Variants in COLQ observed in about 807,000 individuals in gnomAD.
COLQ encodes the protein collagen like tail subunit of asymmetric acetylcholinesterase.
A neutral mutation model predicts 69.0 loss-of-function variants in COLQ; 48 were observed. That is an observed-to-expected ratio of 0.70 (90% CI 0.55 to 0.88). The LOEUF is 0.88. Ranked by LOEUF, COLQ falls within the 40% of genes least tolerant of loss-of-function variation. The pLI is 0.00. For missense variants in COLQ, 618 were observed against 594.6 expected, an observed-to-expected ratio of 1.04 and a Z score of -0.41; for synonymous variants, 217 against 211.2, an observed-to-expected ratio of 1.03 and a Z score of -0.24.
chr3:15,492,664 CT>C (rs2062688612), intron 1 of COLQ, among the ~76,000 whole-genome samples: 1 of 123,658 alleles, frequency 8.1e-6, no homozygotes, highest in Non-Finnish European at 1.6e-5. Flanking sequence ...GAGACTCCGT[CT>C]CAAAAAAAAA....
chr3:15,487,462 G>T (rs988574131), intron 3 of COLQ, among the ~76,000 whole-genome samples: 1 of 152,190 alleles, frequency 6.6e-6, no homozygotes, highest in East Asian at 1.9e-4. Flanking sequence ...ATCCAGGTGA[G>T]CCTTCAAGTG....
rs1315313150 is a variant in COLQ at position 15,479,297 on chromosome 3, T to A, written c.366+41A>T. 3 of 1,602,426 alleles carry A rather than the reference T, an allele frequency of 1.9e-6. No individual in the cohort carries two copies. The Admixed American group carries it at 5.0e-5, about 27-fold the overall frequency. ...GGGATGCCCAGAAAACAGGCTGGAA[T>A]TGCCAAGGAAAGAAGGGTTGAAGAA... On this transcript the variant is annotated intron_variant, in intron 4 of 16. Transcript: ENST00000383788.
In COLQ at chr3:15,451,307, T is replaced by C; in HGVS notation, c.*337A>G. On this transcript the variant is annotated 3_prime_UTR_variant, in exon 17 of 17. Coordinates refer to ENST00000383788, the MANE Select transcript of COLQ (RefSeq NM_005677.4). ...AAAACAGCCTGCAGGTCTGTGTGTG[T>C]CTAACAGTGCTCAGCCAAGTCCACG... The C allele has an allele frequency of 2.2e-6, 1 of 449,366 alleles. No homozygotes were observed. Among genetic ancestry groups the C allele is most frequent in the Non-Finnish European group, 4.2e-6 (1 of 239,292 alleles). The allele number at this position is 449,366 out of a possible 1,614,324, so 27.8% of individuals were successfully genotyped here.
chr3:15,515,094 C>T (rs2063042149), intron 1 of COLQ, among the ~76,000 whole-genome samples: 1 of 152,142 alleles, frequency 6.6e-6, no homozygotes, highest in African/African-American at 2.4e-5. Context: ...CTCTGTCCCA[C>T]GTGTCTTTCA....
At chr3:15,468,999 A>G (rs968472439) in intron 11 of COLQ, among the ~76,000 whole-genome samples, 1 of 152,226 alleles carries the variant, frequency 6.6e-6, no homozygotes, top group Non-Finnish European at 1.5e-5. Flanking sequence ...AACAAAGAGT[A>G]TGTAAGACTA....
chr3:15,474,854 C>T (rs2125116008), intron 8 of COLQ, 71 bp downstream of exon 8: 1 of 1,558,568 alleles, frequency 6.4e-7, no homozygotes, highest in Admixed American at 1.7e-5. Context: ...GACCCATTCT[C>T]TGCATGTCTC....
chr3:15,507,326 T>G (rs2062925283), intron 1 of COLQ, among the ~76,000 whole-genome samples: 1 of 152,202 alleles, frequency 6.6e-6, no homozygotes, highest in African/African-American at 2.4e-5. Flanking sequence ...CACTTGTAAT[T>G]TTTACACATA....
At chr3:15,467,141 A>G (rs1275716295) in intron 11 of COLQ, among the ~76,000 whole-genome samples, 2 of 152,146 alleles carry the variant, frequency 1.3e-5, no homozygotes, top group Non-Finnish European at 2.9e-5. Context: ...TGAGACATAC[A>G]CTCCCTATGG....
chr3:15,475,217 G>A, intron 7 of COLQ: 1 of 657,692 alleles, frequency 1.5e-6, no homozygotes, highest in Non-Finnish European at 2.6e-6. Context: ...GGTTCTTCCT[G>A]CCCAAGAGAA....
At position 15,521,535 on chromosome 3, in the gene COLQ, G is replaced by GA; in HGVS notation, c.90dup (p.Leu31SerfsTer103). 6.2e-7 allele frequency: 1 copy of GA among 1,614,200 alleles called. No homozygotes were observed. Among genetic ancestry groups the GA allele is most frequent in the South Asian group, 1.1e-5 (1 of 91,084 alleles). On this transcript the variant is annotated frameshift_variant, in exon 1 of 17. Transcript: ENST00000383788. LOFTEE classifies it high-confidence loss of function. ...CATCATTTACCTGCTGAGATTGGAA[G>GA]AACGCTGTTGATGAAAGTCGGCTGA...
In COLQ at chr3:15,473,620, G is replaced by A. The variant is rs1405573190; in HGVS notation, c.636+380C>T. Among the ~76,000 whole-genome samples, 2 of 152,184 alleles carry A rather than the reference G, an allele frequency of 1.3e-5. No homozygotes were observed. Among genetic ancestry groups the A allele is most frequent in the Non-Finnish European group, 2.9e-5 (2 of 68,038 alleles). On this transcript the variant is annotated intron_variant, in intron 10 of 16. Coordinates refer to ENST00000383788, the MANE Select transcript of COLQ (RefSeq NM_005677.4). The surrounding 1 kb of genome is among the most constrained non-coding windows in gnomAD (Gnocchi z 4.0). ...TAAAGACACCTGTGCCTTACACTGAGGCCTGTGTGCTGACAGGGGCTTTGA... is the reference window on the plus strand; with the variant it reads ...TAAAGACACCTGTGCCTTACACTGAAGCCTGTGTGCTGACAGGGGCTTTGA...
chr3:15,506,300 A>C (rs2062910045), intron 1 of COLQ, among the ~76,000 whole-genome samples: 1 of 152,222 alleles, frequency 6.6e-6, no homozygotes, highest in Admixed American at 6.5e-5. Flanking sequence ...CTTGTGCTCC[A>C]GATGAAAGGT....
intron 1 of COLQ, among the ~76,000 whole-genome samples, chr3:15,504,116 T>G (rs1439613991): frequency 3.3e-5 from 5 of 152,050 alleles, no homozygotes; most frequent in Admixed American, 2.0e-4. Context: ...TATTCTATTC[T>G]TCAAAGAGGG....
At chr3:15,490,059 T>TGGTA (rs1047313671) in intron 1 of COLQ, among the ~76,000 whole-genome samples, 1 of 152,188 alleles carries the variant, frequency 6.6e-6, no homozygotes, top group African/African-American at 2.4e-5. Flanking sequence ...CCAGGGCCAG[T>TGGTA]GGTAGCATTA....
intron 1 of COLQ, among the ~76,000 whole-genome samples, chr3:15,514,850 C>T (rs541347099): frequency 2.0e-5 from 3 of 152,346 alleles, no homozygotes; most frequent in South Asian, 2.1e-4. Flanking sequence ...ATGGCCAGAA[C>T]GTGCGTCCAG....
chr3:15,509,522 C>T (rs1484575825), intron 1 of COLQ, among the ~76,000 whole-genome samples: 2 of 152,198 alleles, frequency 1.3e-5, no homozygotes, highest in Non-Finnish European at 2.9e-5. Context: ...GCAGACCTTT[C>T]TACTGAGAAC....
At chr3:15,452,091 G>A (rs1176186440) in intron 16 of COLQ, among the ~76,000 whole-genome samples, 1 of 148,166 alleles carries the variant, frequency 6.7e-6, no homozygotes. Context: ...TTTTGAGACA[G>A]AGTTTCGCTC....
chr3:15,451,469 G>C lies in COLQ; in HGVS notation c.*175C>G. 1.3e-6 allele frequency: 1 copy of C among 741,102 alleles called. No homozygotes were observed. The highest frequency in any genetic ancestry group is 2.4e-4 in the Middle Eastern group (1 of 4,210). 45.9% of individuals were successfully genotyped at this position (741,102 alleles called of 1,614,324 possible). A position where few individuals can be genotyped will look rare whatever the true frequency, so the allele number is the denominator to read the frequency against. ...CCTTGGATTAAGACAGGATGCAGTGGTCCTAAATTCTTCCAGTCAGACTGA... is the reference window on the plus strand; with the variant it reads ...CCTTGGATTAAGACAGGATGCAGTGCTCCTAAATTCTTCCAGTCAGACTGA... On this transcript the variant is annotated 3_prime_UTR_variant, in exon 17 of 17. Transcript: ENST00000383788.
intron 8 of COLQ, 130 bp downstream of exon 8, chr3:15,474,795 G>T: frequency 9.1e-7 from 1 of 1,094,156 alleles, no homozygotes; most frequent in Non-Finnish European, 1.4e-6. Context: ...ACAAAGGGTG[G>T]GGAATAGCTA....
Sources: gnomAD v4.1 joint callset for allele counts (sites outside exome capture counted in the v4.1 genomes callset) on GRCh38, gnomAD v4.1.1 for gene constraint, Gnocchi (gnomAD v3.1) non-coding constraint, MANE v1.5 for transcripts, NCBI Gene and HGNC (gene_info 2026-07-23, HGNC 2026-07-21) for gene names.